The following SYNPR variants were observed in gnomAD, a reference collection of about 807,000 sequenced individuals.
SYNPR encodes synaptoporin.
SYNPR carries 23 observed loss-of-function variants against 32.9 expected under a neutral mutation model. The ratio of observed to expected loss-of-function variants is 0.70; its 90% CI spans 0.50 to 0.99. SYNPR has a LOEUF of 0.99. Ranked by LOEUF, SYNPR falls within the 50% of genes least tolerant of loss-of-function variation. The pLI, the probability that SYNPR is intolerant of heterozygous loss-of-function variation, is 0.00. For synonymous variants in SYNPR, 146 were observed against 135.9 expected, an observed-to-expected ratio of 1.07 and a Z score of -0.52; for missense variants, 318 against 349.3, an observed-to-expected ratio of 0.91 and a Z score of 0.71.
At chr3:63,442,164 A>AGTGTGTGTGTGTGT (rs34163380) in intron 2 of SYNPR, among the ~76,000 whole-genome samples, 178 of 148,432 alleles carry the variant, frequency 1.2e-3, no homozygotes, top group African/African-American at 4.1e-3. Context: ...TGGTAGTGAT[A>AGTGTGTGTGTGTGT]GTGTGTGTGT....
intron 3 of SYNPR, among the ~76,000 whole-genome samples, chr3:63,510,216 G>A (rs1425197293): frequency 6.6e-6 from 1 of 152,144 alleles, no homozygotes; most frequent in Non-Finnish European, 1.5e-5. Context: ...TATTCACAAG[G>A]TAAGGTTGTT....
intron 2 of SYNPR, among the ~76,000 whole-genome samples, chr3:63,347,107 T>C (rs972467226): frequency 1.3e-5 from 2 of 152,190 alleles, no homozygotes; most frequent in Admixed American, 6.5e-5. Context: ...ACTAATGCAA[T>C]GTTTGGGACA....
chr3:63,585,157 G>A (rs1400171913), intron 4 of SYNPR, among the ~76,000 whole-genome samples: 1 of 152,088 alleles, frequency 6.6e-6, no homozygotes, highest in Non-Finnish European at 1.5e-5. Flanking sequence ...AACTGTGAAT[G>A]TGAAATTCTA....
At chr3:63,369,366 A>C (rs2087767913) in intron 2 of SYNPR, among the ~76,000 whole-genome samples, 1 of 152,172 alleles carries the variant, frequency 6.6e-6, no homozygotes, top group African/African-American at 2.4e-5. Flanking sequence ...GAGTCTGCAA[A>C]ATGGAGGAGG....
chr3:63,340,181 G>A (rs1285080641), intron 2 of SYNPR, among the ~76,000 whole-genome samples: 1 of 152,140 alleles, frequency 6.6e-6, no homozygotes, highest in Non-Finnish European at 1.5e-5. Context: ...TCCATGGCAT[G>A]AATGGTGTAT....
chr3:63,306,927 T>C (rs2086915499), intron 2 of SYNPR, among the ~76,000 whole-genome samples: 1 of 151,968 alleles, frequency 6.6e-6, no homozygotes, highest in African/African-American at 2.4e-5. Flanking sequence ...AAATTTACAT[T>C]CTCCTTGGTA....
At chr3:63,571,919 G>A (rs921421381) in intron 4 of SYNPR, among the ~76,000 whole-genome samples, 4 of 152,152 alleles carry the variant, frequency 2.6e-5, no homozygotes, top group Non-Finnish European at 4.4e-5. Flanking sequence ...TGAGCTCGTT[G>A]AAGGTAGGAC....
intron 2 of SYNPR, among the ~76,000 whole-genome samples, chr3:63,336,490 T>C (rs959134200): frequency 1.2e-4 from 8 of 66,608 alleles, no homozygotes; most frequent in African/African-American, 5.2e-4. Context: ...TTTGAATAAA[T>C]AGTACTAGAA....
At chr3:63,534,600 A>G (rs990901069) in intron 3 of SYNPR, among the ~76,000 whole-genome samples, 4 of 152,202 alleles carry the variant, frequency 2.6e-5, no homozygotes, top group Middle Eastern at 6.3e-3. Context: ...TAGTGTTGCT[A>G]TAACAGAATA....
intron 2 of SYNPR, among the ~76,000 whole-genome samples, chr3:63,279,495 G>A (rs1034261351): frequency 3.3e-4 from 50 of 152,258 alleles, no homozygotes; most frequent in African/African-American, 1.1e-3. Flanking sequence ...TTTGTCTATG[G>A]GCAGAGGAGT....
intron 3 of SYNPR, among the ~76,000 whole-genome samples, chr3:63,509,288 G>GTA (rs1007085201): frequency 6.1e-5 from 9 of 147,686 alleles, no homozygotes; most frequent in South Asian, 4.3e-4. Flanking sequence ...ATATGTGTGT[G>GTA]TATATATATA....
intron 3 of SYNPR, among the ~76,000 whole-genome samples, chr3:63,548,443 T>C (rs2106816640): frequency 6.6e-6 from 1 of 152,266 alleles, no homozygotes. Flanking sequence ...GATTTTGTAG[T>C]GGTTTATGTT....
At chr3:63,468,200 A>AG (rs1402797125) in intron 2 of SYNPR, among the ~76,000 whole-genome samples, 10 of 151,608 alleles carry the variant, frequency 6.6e-5, no homozygotes, top group African/African-American at 2.4e-4. Context: ...ATCTCAAAAA[A>AG]AAAAAAAAAA....
chr3:63,515,663 T>C (rs1281954491), intron 3 of SYNPR, among the ~76,000 whole-genome samples: 1 of 152,138 alleles, frequency 6.6e-6, no homozygotes, highest in African/African-American at 2.4e-5. Context: ...GTATTGTAAA[T>C]GATCTGGATC....
intron 2 of SYNPR, among the ~76,000 whole-genome samples, chr3:63,347,342 T>G (rs898183493): frequency 3.3e-5 from 5 of 152,234 alleles, no homozygotes; most frequent in Admixed American, 2.6e-4. Flanking sequence ...GAATTTTCTA[T>G]GTGATTTTTA....
At chr3:63,314,340 T>C (rs1485169381) in intron 2 of SYNPR, among the ~76,000 whole-genome samples, 1 of 151,698 alleles carries the variant, frequency 6.6e-6, no homozygotes, top group East Asian at 2.0e-4. Context: ...AACAGCAGTG[T>C]AGAAGTGTTC....
chr3:63,443,832 C>T (rs1420613679), intron 2 of SYNPR, among the ~76,000 whole-genome samples: 4 of 152,154 alleles, frequency 2.6e-5, no homozygotes, highest in Non-Finnish European at 4.4e-5. Context: ...TGTGCTGCAA[C>T]CTGCTTACCA....
chr3:63,539,686 A>T (rs1259208426), intron 3 of SYNPR, among the ~76,000 whole-genome samples: 1 of 152,114 alleles, frequency 6.6e-6, no homozygotes, highest in Non-Finnish European at 1.5e-5. Context: ...AGGAGCCTTT[A>T]TAGGAGGTGA....
intron 2 of SYNPR, among the ~76,000 whole-genome samples, chr3:63,387,313 A>C (rs2088059306): frequency 6.6e-6 from 1 of 152,200 alleles, no homozygotes; most frequent in Non-Finnish European, 1.5e-5. Context: ...GTTATGTCAG[A>C]ATTCCACAAT....
Sources: gnomAD v4.1 joint callset for allele counts (sites outside exome capture counted in the v4.1 genomes callset) on GRCh38, gnomAD v4.1.1 for gene constraint, MANE v1.5 for transcripts, NCBI Gene and HGNC (gene_info 2026-07-23, HGNC 2026-07-21) for gene names.